The following BAZ2B variants were observed in gnomAD, a reference collection of about 807,000 sequenced individuals.
BAZ2B encodes bromodomain adjacent to zinc finger domain 2B.
In BAZ2B, 91 loss-of-function variants were observed where a neutral mutation model predicts 246.0. The observed-to-expected ratio is 0.37, with a 90% CI of 0.31 to 0.44. The LOEUF (loss-of-function observed/expected upper bound fraction) is 0.44, where lower values mean the gene tolerates loss of function less well. Ranked by LOEUF, BAZ2B falls within the 20% of genes least tolerant of loss-of-function variation. BAZ2B has a pLI of 1.00. For missense variants in BAZ2B, 2,332 were observed against 2,533.7 expected, an observed-to-expected ratio of 0.92 and a Z score of 1.71; for synonymous variants, 855 against 860.0, an observed-to-expected ratio of 0.99 and a Z score of 0.10.
At chr2:159,567,769 C>T (rs1278324063) in intron 1 of BAZ2B, among the ~76,000 whole-genome samples, 1 of 152,034 alleles carries the variant, frequency 6.6e-6, no homozygotes, top group Non-Finnish European at 1.5e-5. Context: ...GTCAAGAGAT[C>T]GAGACCATCC....
At chr2:159,667,499 G>A in the BAZ2B span, among the ~76,000 whole-genome samples, 1 of 151,952 alleles carries the variant, frequency 6.6e-6, no homozygotes, top group African/African-American at 2.4e-5. Flanking sequence ...AGGAGTCTGA[G>A]GCACGAGAAT....
chr2:159,665,167 G>A, the BAZ2B span, among the ~76,000 whole-genome samples: 1 of 104,796 alleles, frequency 9.5e-6, no homozygotes, highest in Non-Finnish European at 1.9e-5. Context: ...CCTCTTCAAG[G>A]AGAACTACAA....
At chr2:159,644,022 T>C in the BAZ2B span, among the ~76,000 whole-genome samples, 1 of 152,120 alleles carries the variant, frequency 6.6e-6, no homozygotes, top group Non-Finnish European at 1.5e-5. Flanking sequence ...GATGGGAGGA[T>C]CTCTTGACCC....
At chr2:159,477,660 T>C (rs1187425238) in intron 3 of BAZ2B, among the ~76,000 whole-genome samples, 5 of 152,164 alleles carry the variant, frequency 3.3e-5, no homozygotes, top group Admixed American at 3.3e-4. Flanking sequence ...TAAGAAATAG[T>C]TAAAATTAAA....
intron 1 of BAZ2B, among the ~76,000 whole-genome samples, chr2:159,580,929 A>G (rs995521439): frequency 1.3e-5 from 2 of 152,242 alleles, no homozygotes; most frequent in African/African-American, 4.8e-5. Context: ...AGATGGATTA[A>G]AGACTTAAAT....
chr2:159,449,825 A>C (rs2150409137), intron 4 of BAZ2B, among the ~76,000 whole-genome samples: 1 of 152,320 alleles, frequency 6.6e-6, no homozygotes. Context: ...CACAGTCACA[A>C]TCTTGTTATT....
intron 1 of BAZ2B, among the ~76,000 whole-genome samples, chr2:159,609,396 A>G (rs970895443): frequency 6.6e-6 from 1 of 152,250 alleles, no homozygotes; most frequent in Non-Finnish European, 1.5e-5. Context: ...ACCACCACTC[A>G]TAAGCTAAAA....
chr2:159,323,722 T>A (rs1036176365), intron 36 of BAZ2B, among the ~76,000 whole-genome samples: 2 of 151,368 alleles, frequency 1.3e-5, no homozygotes, highest in African/African-American at 4.9e-5. Flanking sequence ...GAGAATCACT[T>A]GAACCCGGGA....
At chr2:159,347,938 T>C (rs2058115699) in intron 30 of BAZ2B, among the ~76,000 whole-genome samples, 1 of 152,200 alleles carries the variant, frequency 6.6e-6, no homozygotes, top group Non-Finnish European at 1.5e-5. Context: ...AGATATCATT[T>C]CTCTCTTGAT....
chr2:159,403,767 G>T (rs947075107), intron 16 of BAZ2B, among the ~76,000 whole-genome samples: 3 of 152,034 alleles, frequency 2.0e-5, no homozygotes, highest in Admixed American at 6.5e-5. Flanking sequence ...CATGTGTTTT[G>T]TTGCCAGTCA....
chr2:159,681,547 G>C, the BAZ2B span, among the ~76,000 whole-genome samples: 1 of 152,128 alleles, frequency 6.6e-6, no homozygotes, highest in Non-Finnish European at 1.5e-5. Flanking sequence ...TAGATTGAAA[G>C]AGAGAATTAC....
chr2:159,361,756 C>G (rs1378677551), intron 27 of BAZ2B, among the ~76,000 whole-genome samples: 1 of 152,114 alleles, frequency 6.6e-6, no homozygotes, highest in Non-Finnish European at 1.5e-5. Flanking sequence ...ACATATACAC[C>G]ATGGAATACT....
chr2:159,322,502 T>TA (rs2062839400), intron 36 of BAZ2B, among the ~76,000 whole-genome samples: 1 of 152,242 alleles, frequency 6.6e-6, no homozygotes, highest in South Asian at 2.1e-4. Context: ...AATGGAATCA[T>TA]ACAATCTGTG....
chr2:159,565,855 G>T (rs1200286711), intron 1 of BAZ2B, among the ~76,000 whole-genome samples: 1 of 150,714 alleles, frequency 6.6e-6, no homozygotes, highest in African/African-American at 2.4e-5. Flanking sequence ...AAATACAAAG[G>T]TAATAAATAT....
chr2:159,459,761 T>C (rs1010233306), intron 3 of BAZ2B: 19 of 152,114 alleles, frequency 1.2e-4, no homozygotes, highest in South Asian at 6.2e-4. Flanking sequence ...AAAACAAAAT[T>C]ACCTGGATAG....
At chr2:159,510,915 T>A (rs2082853423) in intron 2 of BAZ2B, among the ~76,000 whole-genome samples, 1 of 152,186 alleles carries the variant, frequency 6.6e-6, no homozygotes, top group Non-Finnish European at 1.5e-5. Context: ...TCTCTGGTTT[T>A]TTTAATTACT....
chr2:159,430,517 G>C (rs889625205), intron 10 of BAZ2B, among the ~76,000 whole-genome samples: 1 of 152,162 alleles, frequency 6.6e-6, no homozygotes, highest in African/African-American at 2.4e-5. Flanking sequence ...TGTGTGTGGG[G>C]CCAGTGCCCC....
intron 3 of BAZ2B, chr2:159,460,205 T>C (rs1054745659): frequency 6.6e-6 from 1 of 152,076 alleles, no homozygotes; most frequent in Non-Finnish European, 1.5e-5. Context: ...TAACAAGGCA[T>C]GGTAACTACA....
At chr2:159,573,023 CAA>C (rs1328180452) in intron 1 of BAZ2B, among the ~76,000 whole-genome samples, 3 of 151,762 alleles carry the variant, frequency 2.0e-5, no homozygotes, top group Non-Finnish European at 2.9e-5. Flanking sequence ...GGCAAAATAT[CAA>C]AAAGAGGACC....
Sources: allele counts gnomAD v4.1 joint callset (sites outside exome capture counted in the v4.1 genomes callset), GRCh38; gene constraint gnomAD v4.1.1; transcripts MANE v1.5; gene names NCBI Gene and HGNC (gene_info 2026-07-23, HGNC 2026-07-21).